Variants in SGCZ observed in about 807,000 individuals in gnomAD.
SGCZ encodes zeta-sarcoglycan.
A neutral mutation model predicts 41.3 loss-of-function variants in SGCZ; 40 were observed. That is an observed-to-expected ratio of 0.97 (90% CI 0.75 to 1.26). SGCZ has a LOEUF of 1.26. SGCZ is among the 50% of genes most tolerant of loss of function. The probability of loss-of-function intolerance (pLI) is 0.00; values close to 1 mark genes in which losing one functional copy is unlikely to be tolerated. For synonymous variants in SGCZ, 206 were observed against 137.5 expected (o/e 1.50, Z -3.49); for missense variants, 552 against 369.8 (o/e 1.49, Z -4.04).
At chr8:14,797,540 G>C (rs1801175431) in intron 1 of SGCZ, among the ~76,000 whole-genome samples, 1 of 152,140 alleles carries the variant, frequency 6.6e-6, no homozygotes, top group Non-Finnish European at 1.5e-5. Context: ...CATAAAGGAT[G>C]GGAAAATTTA....
At chr8:14,571,878 C>T (rs989974021) in intron 1 of SGCZ, among the ~76,000 whole-genome samples, 1 of 152,134 alleles carries the variant, frequency 6.6e-6, no homozygotes, top group Admixed American at 6.5e-5. Flanking sequence ...ACAGCCAATG[C>T]AGTCCATGAT....
At chr8:14,242,646 A>G (rs1421689429) in intron 3 of SGCZ, among the ~76,000 whole-genome samples, 1 of 152,172 alleles carries the variant, frequency 6.6e-6, no homozygotes, top group East Asian at 1.9e-4. Context: ...CAATTTAACT[A>G]TAGTATTTTA....
intron 1 of SGCZ, among the ~76,000 whole-genome samples, chr8:15,145,955 G>C (rs1270157454): frequency 6.6e-6 from 1 of 152,162 alleles, no homozygotes; most frequent in African/African-American, 2.4e-5. Context: ...AAAAGGCAAA[G>C]AGAATGGGTG....
chr8:14,581,756 A>G (rs891131891), intron 1 of SGCZ, among the ~76,000 whole-genome samples: 3 of 152,234 alleles, frequency 2.0e-5, no homozygotes, highest in African/African-American at 7.2e-5. Context: ...GGTTGAGGAT[A>G]GTGATAAGGG....
intron 1 of SGCZ, among the ~76,000 whole-genome samples, chr8:14,778,986 T>C (rs1027822561): frequency 5.9e-5 from 9 of 152,166 alleles, no homozygotes; most frequent in African/African-American, 2.2e-4. Context: ...GCAAGAGTGA[T>C]TCTTACATGC....
At chr8:14,382,430 C>A (rs966152796) in intron 2 of SGCZ, among the ~76,000 whole-genome samples, 5 of 151,062 alleles carry the variant, frequency 3.3e-5, no homozygotes, top group Admixed American at 2.0e-4. Flanking sequence ...AAAAAAAACA[C>A]AATACCATAT....
At chr8:14,388,878 A>C (rs1181601689) in intron 2 of SGCZ, among the ~76,000 whole-genome samples, 2 of 151,984 alleles carry the variant, frequency 1.3e-5, no homozygotes, top group Non-Finnish European at 2.9e-5. Flanking sequence ...AAAGAGATTG[A>C]GGTTATTTGA....
chr8:14,663,780 A>G (rs1356873562), intron 1 of SGCZ, among the ~76,000 whole-genome samples: 1 of 152,164 alleles, frequency 6.6e-6, no homozygotes. Context: ...TCTAAATGAA[A>G]GTAGATACTT....
intron 1 of SGCZ, among the ~76,000 whole-genome samples, chr8:14,652,345 A>AGGGG (rs1554473402): frequency 4.5e-4 from 2 of 4,438 alleles, no homozygotes; most frequent in Non-Finnish European, 1.5e-3. Flanking sequence ...AAAAAAAAAA[A>AGGGG]AGGGGGGGGT....
intron 2 of SGCZ, among the ~76,000 whole-genome samples, chr8:14,518,896 A>AC (rs1802704910): frequency 6.8e-6 from 1 of 146,990 alleles, no homozygotes; most frequent in African/African-American, 2.5e-5. Context: ...ATCTCTACCA[A>AC]AAAAAAAAAA....
At chr8:15,128,043 G>T (rs768095897) in intron 1 of SGCZ, among the ~76,000 whole-genome samples, 3 of 152,114 alleles carry the variant, frequency 2.0e-5, no homozygotes, top group Non-Finnish European at 2.9e-5. Flanking sequence ...TATTATTCAG[G>T]CTGAAAATAA....
At chr8:14,860,791 C>G (rs1393999097) in intron 1 of SGCZ, among the ~76,000 whole-genome samples, 1 of 152,022 alleles carries the variant, frequency 6.6e-6, no homozygotes, top group African/African-American at 2.4e-5. Flanking sequence ...CTACCAAGAA[C>G]AGCTTCATGG....
intron 1 of SGCZ, among the ~76,000 whole-genome samples, chr8:14,822,150 C>T (rs1802119521): frequency 6.6e-6 from 1 of 150,972 alleles, no homozygotes; most frequent in Admixed American, 6.6e-5. Context: ...TTTCAGGACA[C>T]AAAAATCAAC....
At chr8:14,465,234 GT>G (rs1292249080) in intron 2 of SGCZ, among the ~76,000 whole-genome samples, 1 of 151,236 alleles carries the variant, frequency 6.6e-6, no homozygotes, top group African/African-American at 2.4e-5. Context: ...TGCCTCATAT[GT>G]TTTGATGTTC....
At chr8:14,533,226 T>G (rs1213756010) in intron 2 of SGCZ, among the ~76,000 whole-genome samples, 1 of 151,690 alleles carries the variant, frequency 6.6e-6, no homozygotes, top group Non-Finnish European at 1.5e-5. Context: ...TTCCCACCTA[T>G]GAGTGAGAAC....
chr8:14,914,529 T>TG (rs1407096855), intron 1 of SGCZ, among the ~76,000 whole-genome samples: 1 of 144,476 alleles, frequency 6.9e-6, no homozygotes, highest in Non-Finnish European at 1.5e-5. Context: ...TAAGAGACAG[T>TG]GAAAAAAAAA....
intron 2 of SGCZ, among the ~76,000 whole-genome samples, chr8:14,404,116 G>A (rs781324602): frequency 1.3e-5 from 2 of 152,124 alleles, no homozygotes; most frequent in Non-Finnish European, 2.9e-5. Context: ...GGTGCCAGAG[G>A]TGGAGATGCA....
At chr8:14,472,394 C>T (rs1430616377) in intron 2 of SGCZ, among the ~76,000 whole-genome samples, 5 of 152,050 alleles carry the variant, frequency 3.3e-5, no homozygotes, top group African/African-American at 1.2e-4. Flanking sequence ...ATTCACAGAC[C>T]TACCATACCA....
chr8:15,204,900 C>T (rs1471350216), intron 1 of SGCZ, among the ~76,000 whole-genome samples: 1 of 152,178 alleles, frequency 6.6e-6, no homozygotes, highest in Non-Finnish European at 1.5e-5. Flanking sequence ...AAAAATTTCA[C>T]AGACATTAAA....
Sources: gnomAD v4.1 joint callset for allele counts (sites outside exome capture counted in the v4.1 genomes callset) on GRCh38, gnomAD v4.1.1 for gene constraint, MANE v1.5 for transcripts, NCBI Gene and HGNC (gene_info 2026-07-23, HGNC 2026-07-21) for gene names.